The following OPHN1 variants were observed in gnomAD, a reference collection of about 807,000 sequenced individuals.
The protein encoded by OPHN1 is oligophrenin-1.
OPHN1 carries 11 observed loss-of-function variants against 60.7 expected under a neutral mutation model. The ratio of observed to expected loss-of-function variants is 0.18; its 90% confidence interval spans 0.11 to 0.30. The LOEUF is 0.30. OPHN1 is among the 10% of genes least tolerant of loss of function. OPHN1 has a pLI of 1.00. For missense variants in OPHN1, 449 were observed against 611.0 expected, an observed-to-expected ratio of 0.73 and a Z score of 2.80; for synonymous variants, 226 against 222.6, an observed-to-expected ratio of 1.02 and a Z score of -0.14.
At chrX:68,173,980 G>A (rs1374902931) in intron 15 of OPHN1, among the ~76,000 whole-genome samples, 1 of 111,980 alleles carries the variant, frequency 8.9e-6, no homozygotes, top group East Asian at 2.8e-4. Context: ...GACTTTTGGG[G>A]TACCAAGAAT....
intron 5 of OPHN1, among the ~76,000 whole-genome samples, chrX:68,263,931 G>T (rs2077907839): frequency 9.0e-6 from 1 of 111,358 alleles, no homozygotes; most frequent in South Asian, 3.8e-4. Flanking sequence ...ATATTTTAGG[G>T]TATATTTTCC....
At chrX:68,382,350 A>T (rs184368579) in intron 2 of OPHN1, among the ~76,000 whole-genome samples, 97 of 110,622 alleles carry the variant, frequency 8.8e-4, no homozygotes, top group African/African-American at 3.1e-3. Flanking sequence ...CTGTCTTAAA[A>T]AAAATAAAAT....
chrX:68,386,277 C>T (rs7065212), intron 2 of OPHN1, among the ~76,000 whole-genome samples: 1 of 110,322 alleles, frequency 9.1e-6, no homozygotes, highest in Non-Finnish European at 1.9e-5. Flanking sequence ...GCCAACATTT[C>T]AATAGAATCT....
chrX:68,115,812 C>A (rs1025081696), intron 16 of OPHN1, among the ~76,000 whole-genome samples: 1 of 111,904 alleles, frequency 8.9e-6, no homozygotes, highest in Non-Finnish European at 1.9e-5. Flanking sequence ...TTATTCTGAG[C>A]CAACTATGAG....
At chrX:68,212,063 A>G (rs1158127548) in intron 8 of OPHN1, 45 bp downstream of exon 8, 2 of 955,376 alleles carry the variant, frequency 2.1e-6, no homozygotes, top group African/African-American at 3.9e-5. Context: ...CTGAAATTCA[A>G]TCGGAATGGA....
chrX:68,374,269 T>C (rs1181866943), intron 2 of OPHN1, among the ~76,000 whole-genome samples: 3 of 106,810 alleles, frequency 2.8e-5, no homozygotes, highest in Non-Finnish European at 3.8e-5. Context: ...GGCAGGAGAA[T>C]GGCTTGAACC....
At chrX:68,147,149 G>A (rs1269759841) in intron 15 of OPHN1, among the ~76,000 whole-genome samples, 1 of 111,510 alleles carries the variant, frequency 9.0e-6, no homozygotes, top group African/African-American at 3.3e-5. Flanking sequence ...TCAAGGTGTT[G>A]TGGGAGAGGT....
chrX:68,374,962 C>A (rs2078548889), intron 2 of OPHN1, among the ~76,000 whole-genome samples: 1 of 111,931 alleles, frequency 8.9e-6, no homozygotes, highest in African/African-American at 3.2e-5. Flanking sequence ...ACAAAGTGGC[C>A]ATACCATGTG....
intron 10 of OPHN1, among the ~76,000 whole-genome samples, chrX:68,203,319 G>A (rs1013251814): frequency 1.2e-4 from 13 of 111,328 alleles, no homozygotes; most frequent in African/African-American, 3.9e-4. Context: ...CTATTAAATG[G>A]GAATAACAAA....
intron 2 of OPHN1, among the ~76,000 whole-genome samples, chrX:68,359,103 A>G (rs770877173): frequency 5.3e-5 from 6 of 112,299 alleles, no homozygotes; most frequent in Non-Finnish European, 1.1e-4. Flanking sequence ...TTTTTAAAAA[A>G]TTTAATTCAC....
At chrX:68,295,452 C>A (rs1270075973) in intron 3 of OPHN1, among the ~76,000 whole-genome samples, 1 of 112,083 alleles carries the variant, frequency 8.9e-6, no homozygotes, top group African/African-American at 3.2e-5. Flanking sequence ...TATACTCCCC[C>A]ACTATACTGA....
intron 2 of OPHN1, among the ~76,000 whole-genome samples, chrX:68,378,470 C>T (rs775307222): frequency 5.9e-4 from 66 of 111,732 alleles, no homozygotes; most frequent in African/African-American, 2.1e-3. Flanking sequence ...GCTTTTGTTG[C>T]CATTGCTTTT....
chrX:68,211,469 C>G (rs1258566514), intron 8 of OPHN1, among the ~76,000 whole-genome samples: 2 of 112,620 alleles, frequency 1.8e-5, no homozygotes, highest in Non-Finnish European at 3.7e-5. Context: ...GAAAAACTTG[C>G]ATGCATCTTC....
At chrX:68,163,458 GTA>G (rs60287755) in intron 15 of OPHN1, among the ~76,000 whole-genome samples, 30,287 of 80,541 alleles carry the variant, frequency 0.38, 3,356 homozygotes, top group Middle Eastern at 0.46. Flanking sequence ...GTGTGTGTGT[GTA>G]TATATACCAC....
intron 2 of OPHN1, among the ~76,000 whole-genome samples, chrX:68,416,067 TAGAGAGAGAGAGAGAG>T (rs1171250178): frequency 0.058 from 475 of 8,167 alleles, 5 homozygotes; most frequent in Non-Finnish European, 0.14. Flanking sequence ...TATATATATA[TAGAGAGAGAGAGAGAG>T]AGAGAGAGAG....
intron 2 of OPHN1, among the ~76,000 whole-genome samples, chrX:68,368,928 G>T (rs1295090539): frequency 8.9e-6 from 1 of 111,866 alleles, no homozygotes; most frequent in Non-Finnish European, 1.9e-5. Context: ...AGAAAAAATT[G>T]CTGGGCACAG....
intron 3 of OPHN1, among the ~76,000 whole-genome samples, chrX:68,290,173 C>A (rs1742306914): frequency 9.0e-6 from 1 of 111,485 alleles, no homozygotes; most frequent in South Asian, 3.8e-4. Context: ...TAAAGACCTA[C>A]TTAAAGCTGG....
chrX:68,324,141 G>A (rs2078247967), intron 2 of OPHN1, among the ~76,000 whole-genome samples: 1 of 111,733 alleles, frequency 8.9e-6, no homozygotes, highest in Admixed American at 9.6e-5. Context: ...AAAGTGTAAA[G>A]GTTAGAAAGA....
chrX:68,247,111 T>C (rs2077810073), intron 5 of OPHN1, among the ~76,000 whole-genome samples: 1 of 111,156 alleles, frequency 9.0e-6, no homozygotes. Flanking sequence ...CACACTCCAC[T>C]TCACTGGCTA....
Sources: gnomAD v4.1 joint callset for allele counts (sites outside exome capture counted in the v4.1 genomes callset) on GRCh38, gnomAD v4.1.1 for gene constraint, MANE v1.5 for transcripts, NCBI Gene and HGNC (gene_info 2026-07-23, HGNC 2026-07-21) for gene names.